KLHL32: variants seen among roughly 807,000 people sequenced by gnomAD.
The protein encoded by KLHL32 is kelch like family member 32, also known as kelch-like protein 32.
KLHL32 carries 35 observed loss-of-function variants against 64.8 expected under a neutral mutation model. The observed-to-expected ratio is 0.54, with a 90% CI of 0.41 to 0.72. The LOEUF (loss-of-function observed/expected upper bound fraction) is 0.72, where lower values mean the gene tolerates loss of function less well. Among genes scored for constraint, KLHL32 ranks in the 30% least tolerant of loss-of-function variants. The pLI is 0.00. For missense variants in KLHL32, 589 were observed against 768.5 expected, an observed-to-expected ratio of 0.77 and a Z score of 2.76; for synonymous variants, 259 against 281.0, an observed-to-expected ratio of 0.92 and a Z score of 0.78.
At chr6:96,965,802 C>T (rs1774388129) in intron 1 of KLHL32, among the ~76,000 whole-genome samples, 1 of 152,148 alleles carries the variant, frequency 6.6e-6, no homozygotes. Context: ...ATGACACTCA[C>T]TTTTAGGTTT....
At chr6:97,059,851 G>T (rs1788590929) in intron 4 of KLHL32, among the ~76,000 whole-genome samples, 1 of 151,882 alleles carries the variant, frequency 6.6e-6, no homozygotes, top group African/African-American at 2.4e-5. Context: ...TTCATTTGAT[G>T]ATTATAAATT....
intron 3 of KLHL32, among the ~76,000 whole-genome samples, chr6:97,006,760 G>T (rs1000941305): frequency 6.6e-6 from 1 of 152,108 alleles, no homozygotes; most frequent in Non-Finnish European, 1.5e-5. Context: ...AACTTAGTTT[G>T]GTTAGGTATG....
At chr6:97,052,216 C>T (rs1787032583) in intron 4 of KLHL32, among the ~76,000 whole-genome samples, 1 of 152,160 alleles carries the variant, frequency 6.6e-6, no homozygotes, top group African/African-American at 2.4e-5. Flanking sequence ...CTCCTGTCTG[C>T]CCCCATAGGG....
At chr6:96,993,900 T>C (rs905833291) in intron 3 of KLHL32, among the ~76,000 whole-genome samples, 4 of 152,168 alleles carry the variant, frequency 2.6e-5, no homozygotes, top group African/African-American at 9.7e-5. Flanking sequence ...TCTTTTATAA[T>C]GAGTAGCAAA....
intron 7 of KLHL32, among the ~76,000 whole-genome samples, chr6:97,125,343 A>T (rs1447735041): frequency 1.3e-5 from 2 of 152,124 alleles, no homozygotes; most frequent in Non-Finnish European, 1.5e-5. Context: ...ATTCTTGTTG[A>T]CTTGACTCCT....
upstream of KLHL32, among the ~76,000 whole-genome samples, chr6:96,920,055 A>C (rs1263055327): frequency 6.6e-6 from 1 of 152,210 alleles, no homozygotes; most frequent in Non-Finnish European, 1.5e-5. Flanking sequence ...GAACAGAAAG[A>C]GTTTCAGGGA....
intron 1 of KLHL32, among the ~76,000 whole-genome samples, chr6:96,961,175 C>G (rs1406134634): frequency 6.6e-6 from 1 of 152,104 alleles, no homozygotes; most frequent in Admixed American, 6.5e-5. Context: ...TGATATTATG[C>G]CAGAGTCAGG....
intron 5 of KLHL32, among the ~76,000 whole-genome samples, chr6:97,080,083 GT>G (rs1456492886): frequency 6.6e-6 from 1 of 152,184 alleles, no homozygotes; most frequent in East Asian, 1.9e-4. Context: ...ATAATTCTCT[GT>G]TGGACTGTAA....
rs933723660 is a variant in KLHL32 at position 97,018,292 on chromosome 6, T to C, written c.205-23200T>C. Among the ~76,000 whole-genome samples the C allele has an allele frequency of 3.3e-5, 5 of 152,058 alleles. 1 individual carries two copies. Among genetic ancestry groups the C allele is most frequent in the Admixed American group, 6.6e-5 (1 of 15,258 alleles). On this transcript the variant is annotated intron_variant, in intron 3 of 10. Coordinates refer to ENST00000369261, the MANE Select transcript of KLHL32 (RefSeq NM_052904.4). ...AAAATATGTGAACTGATCAAAGGCATCTGTTGAAAGATACAAACTAAGATT... is the reference window on the plus strand; with the variant it reads ...AAAATATGTGAACTGATCAAAGGCACCTGTTGAAAGATACAAACTAAGATT...
rs1273610160 is a variant in KLHL32 at position 97,081,062 on chromosome 6, A to T, written c.412-4064A>T. On this transcript the variant is annotated intron_variant, in intron 5 of 10. Transcript: ENST00000369261. Reference sequence around the variant, plus strand: ...GGTGAGGCCAACAGATCAGGAGACAATTACCATTGAAAACATGATTTGTTT... The same window carrying T: ...GGTGAGGCCAACAGATCAGGAGACATTTACCATTGAAAACATGATTTGTTT... 2.6e-5 allele frequency among the ~76,000 whole-genome samples: 4 copies of T among 152,186 alleles called. No individual in the cohort carries two copies. The East Asian group carries it at 5.8e-4, about 22-fold the overall frequency.
At chr6:96,932,874 T>C (rs1034447233) in intron 1 of KLHL32, among the ~76,000 whole-genome samples, 2 of 152,156 alleles carry the variant, frequency 1.3e-5, no homozygotes, top group Admixed American at 6.5e-5. Flanking sequence ...CCTTACCAAG[T>C]TGCCAATTTT....
intron 1 of KLHL32, among the ~76,000 whole-genome samples, chr6:96,933,772 A>C (rs1195443500): frequency 6.6e-6 from 1 of 152,212 alleles, no homozygotes; most frequent in East Asian, 1.9e-4. Context: ...GCCAGGGTTA[A>C]TAAGGCCTTT....
chr6:96,932,757 A>C (rs1188220309), intron 1 of KLHL32, among the ~76,000 whole-genome samples: 1 of 151,550 alleles, frequency 6.6e-6, no homozygotes. Flanking sequence ...TTTTGTAGAG[A>C]TGGGTGTCTC....
chr6:96,901,066 A>C, the KLHL32 span, among the ~76,000 whole-genome samples: 1 of 152,210 alleles, frequency 6.6e-6, no homozygotes, highest in Non-Finnish European at 1.5e-5. Flanking sequence ...TCCAGTATTC[A>C]TATTGAGGAA....
chr6:96,945,304 A>G (rs1228095952), intron 1 of KLHL32, among the ~76,000 whole-genome samples: 2 of 152,196 alleles, frequency 1.3e-5, no homozygotes, highest in African/African-American at 2.4e-5. Flanking sequence ...ACTCAAAACC[A>G]TGCTTCTTTT....
Position 97,105,377 on chromosome 6 carries a change from G to A in KLHL32, c.628-8406G>A, listed in dbSNP as rs1442160175. 4 of 463,388 alleles carry A rather than the reference G, an allele frequency of 8.6e-6. No homozygotes were observed. In the Admixed American group the frequency reaches 9.5e-5, roughly 11 times the overall value. The allele number at this position is 463,388 out of a possible 1,614,324, so 28.7% of individuals were successfully genotyped here. ...TCATCAACATGCCCTGCTGTTTGAT[G>A]GAGGTTCAGGAGTGAGTTTTTGACT... is the stretch of plus-strand genomic sequence containing the variant. On this transcript the variant is annotated intron_variant, in intron 6 of 10. Coordinates refer to ENST00000369261, the MANE Select transcript of KLHL32 (RefSeq NM_052904.4).
At chr6:97,054,411 C>T (rs1787466333) in intron 4 of KLHL32, among the ~76,000 whole-genome samples, 1 of 152,206 alleles carries the variant, frequency 6.6e-6, no homozygotes, top group Non-Finnish European at 1.5e-5. Flanking sequence ...GTTAGGGATG[C>T]ACTGATGAGA....
At chr6:97,006,683 C>T (rs1779707699) in intron 3 of KLHL32, among the ~76,000 whole-genome samples, 1 of 152,132 alleles carries the variant, frequency 6.6e-6, no homozygotes, top group South Asian at 2.1e-4. Flanking sequence ...TAAGGCAGAT[C>T]TTGTGGTAAT....
At chr6:97,041,273 G>A (rs1737646) in intron 3 of KLHL32, among the ~76,000 whole-genome samples, 26,041 of 152,114 alleles carry the variant, frequency 0.17, 2,590 homozygotes, top group African/African-American at 0.29. Flanking sequence ...TACTGTATAT[G>A]GTGAGGAATG....
Sources: allele counts gnomAD v4.1 joint callset (sites outside exome capture counted in the v4.1 genomes callset), GRCh38; gene constraint gnomAD v4.1.1; transcripts MANE v1.5; gene names NCBI Gene and HGNC (gene_info 2026-07-23, HGNC 2026-07-21).